Variants in TBKBP1 observed in about 807,000 individuals in gnomAD.
TBKBP1 encodes TANK-binding kinase 1-binding protein 1.
In TBKBP1, 47 loss-of-function variants were observed where a neutral mutation model predicts 69.9. The observed-to-expected ratio is 0.67, with a 90% CI of 0.53 to 0.86. TBKBP1 has a LOEUF of 0.86. TBKBP1 is among the 40% of genes least tolerant of loss of function. The pLI is 0.00. For synonymous variants in TBKBP1, 418 were observed against 390.3 expected, an observed-to-expected ratio of 1.07 and a Z score of -0.84; for missense variants, 831 against 858.6, an observed-to-expected ratio of 0.97 and a Z score of 0.40.
chr17:47,698,961 C>G (rs569770925), intron 5 of TBKBP1, among the ~76,000 whole-genome samples, 186 bp downstream of exon 5: 1 of 152,220 alleles, frequency 6.6e-6, no homozygotes, highest in Non-Finnish European at 1.5e-5. Flanking sequence ...CCTTCTAACT[C>G]GGTCATTCCT....
At chr17:47,702,988 G>A (rs931113658) in intron 7 of TBKBP1, among the ~76,000 whole-genome samples, 4 of 133,318 alleles carry the variant, frequency 3.0e-5, no homozygotes, top group Non-Finnish European at 4.8e-5. Context: ...GGAAATGCGG[G>A]GGGGGGAACT....
intron 3 of TBKBP1, 88 bp downstream of exon 3, chr17:47,696,921 C>T (rs1244955873): frequency 6.4e-7 from 1 of 1,562,368 alleles, no homozygotes; most frequent in Non-Finnish European, 8.7e-7. Context: ...CAGCATCTGG[C>T]CTCTGCCCTT....
chr17:47,696,403 G>A lies in TBKBP1; in HGVS notation c.225+66G>A, dbSNP rs2031245434. On this transcript the variant is annotated intron_variant, in intron 2 of 9. Transcript: ENST00000578982. ...GATGGGGAGGGGGACTGGGAATCTG[G>A]TAGATACCAGGGATCCAAAAGAGGG... 1.7e-5 allele frequency: 26 copies of A among 1,532,302 alleles called. No individual in the cohort carries two copies. The South Asian group carries it at 2.5e-4, about 15-fold the overall frequency. 94.9% of individuals were successfully genotyped at this position (1,532,302 alleles called of 1,614,324 possible).
At chr17:47,704,929 A>G (rs2031645302) in intron 7 of TBKBP1, among the ~76,000 whole-genome samples, 1 of 152,168 alleles carries the variant, frequency 6.6e-6, no homozygotes, top group Non-Finnish European at 1.5e-5. Flanking sequence ...GGCTCCTCCG[A>G]AGTTGCCAGC....
rs913425596 is a variant in TBKBP1, at chr17:47,710,603, C to T, written c.1825C>T (p.His609Tyr). The T allele has an allele frequency of 6.2e-7, 1 of 1,608,468 alleles. No individual in the cohort carries two copies. Among genetic ancestry groups the T allele is most frequent in the Non-Finnish European group, 8.5e-7 (1 of 1,175,630 alleles). The change falls in exon 10 of 10, where the codon CAC (histidine) becomes TAC (tyrosine). Residue 609 changes from histidine (H) to tyrosine (Y), a missense_variant. His to Tyr is a moderately conservative substitution (Grantham distance 83). Coordinates refer to ENST00000578982, the MANE Select transcript of TBKBP1 (RefSeq NM_001394755.1). The part of the protein sequence containing the change: ...DDALIKHIDS[H>Y]LENSKI Reference sequence around the variant, plus strand: ...TGCCCTCATCAAACACATTGACTCCCACCTGGAGAACAGCAAGATCTAGGG... The same window carrying T: ...TGCCCTCATCAAACACATTGACTCCTACCTGGAGAACAGCAAGATCTAGGG...
intron 7 of TBKBP1, among the ~76,000 whole-genome samples, chr17:47,705,696 AGT>A: frequency 6.6e-6 from 1 of 152,300 alleles, no homozygotes; most frequent in East Asian, 1.9e-4. Context: ...CTGAATTGGC[AGT>A]GTTTTCAGTG....
Position 47,710,975 on chromosome 17 carries a change from TG to T in TBKBP1, c.*355del. 5.3e-6 allele frequency: 1 copy of T among 188,566 alleles called. No individual in the cohort carries two copies. The allele number at this position is 188,566 out of a possible 1,614,324, so 11.7% of individuals were successfully genotyped here. On this transcript the variant is annotated 3_prime_UTR_variant, in exon 10 of 10. Transcript: ENST00000578982. ...AGGTGTCCAGTGCTTGGGCCTGGGGTGGGGGGAAGGTGTTAGAGGACTCCAG... is the reference window on the plus strand; with the variant it reads ...AGGTGTCCAGTGCTTGGGCCTGGGGTGGGGGAAGGTGTTAGAGGACTCCAG...
chr17:47,699,396 G>C lies in TBKBP1; in HGVS notation c.711G>C (p.Gln237His). 6.4e-7 allele frequency: 1 copy of C among 1,568,350 alleles called. No homozygotes were observed. Among genetic ancestry groups the C allele is most frequent in the Non-Finnish European group, 8.6e-7 (1 of 1,161,700 alleles). ...TAGAAGAGGCTTTGGAGGCCGCGCA[G>C]GGAGAGGCCCGGGGGGCTCAGCTCC... ...RRLEEALEAA[Q>H]GEARGAQLRE... Residue 237 changes from glutamine to histidine, a missense_variant, in exon 6 of 10, where the codon CAG (glutamine) becomes CAC (histidine). Transcript: ENST00000578982.
At chr17:47,698,500 G>A (rs1029678955) in intron 4 of TBKBP1, 95 bp from the exon 5 acceptor site, 10 of 1,311,934 alleles carry the variant, frequency 7.6e-6, no homozygotes, top group Non-Finnish European at 8.2e-6. Flanking sequence ...TGGGATGTGT[G>A]ACCTGGGGCC....
intron 7 of TBKBP1, among the ~76,000 whole-genome samples, chr17:47,701,525 T>C (rs1232577804): frequency 6.6e-6 from 1 of 152,070 alleles, no homozygotes; most frequent in Non-Finnish European, 1.5e-5. Context: ...GGGAGGACAT[T>C]TTGGTGGGGC....
intron 1 of TBKBP1, among the ~76,000 whole-genome samples, chr17:47,695,001 C>T (rs977262025): frequency 6.6e-6 from 1 of 151,838 alleles, no homozygotes; most frequent in Non-Finnish European, 1.5e-5. Context: ...GCCGAGCCCC[C>T]TCTCCGGGGT....
At chr17:47,702,759 G>T (rs2031554553) in intron 7 of TBKBP1, among the ~76,000 whole-genome samples, 5 of 152,124 alleles carry the variant, frequency 3.3e-5, no homozygotes, top group Admixed American at 3.3e-4. Flanking sequence ...GCCACTGGGG[G>T]TCACGCAGAG....
At chr17:47,696,687 C>T (rs774372008) in intron 2 of TBKBP1, 24 bp from the exon 3 acceptor site, 1 of 1,613,724 alleles carries the variant, frequency 6.2e-7, no homozygotes, top group Non-Finnish European at 8.5e-7. Context: ...AATCCACTCT[C>T]CTGAAGCTCC....
Position 47,696,375 on chromosome 17 carries a change from T to G in TBKBP1, c.225+38T>G, listed in dbSNP as rs750114493. The G allele has an allele frequency of 2.5e-6, 4 of 1,594,982 alleles. No homozygotes were observed. In the Admixed American group the frequency reaches 5.1e-5, roughly 20 times the overall value. On this transcript the variant is annotated intron_variant, in intron 2 of 9. Transcript: ENST00000578982. ...AGAGGAGGGCGCCTGATAGAGTGTA[T>G]GGGATGGGGAGGGGGACTGGGAATC...
Position 47,708,957 on chromosome 17 carries a change from C to A in TBKBP1, c.1224C>A (p.Ser408=). 1 of 1,199,686 alleles carries A rather than the reference C, an allele frequency of 8.3e-7. No individual in the cohort carries two copies. Among genetic ancestry groups the A allele is most frequent in the Non-Finnish European group, 1.0e-6 (1 of 961,994 alleles). 74.3% of individuals were successfully genotyped at this position (1,199,686 alleles called of 1,614,324 possible). A position where few individuals can be genotyped will look rare whatever the true frequency, so the allele number is the denominator to read the frequency against. ...CGCCGGTGCCGCCGTCGTGCCAGTC[C>A]CCCAGCCCGCAGCGCCGTTCCCCGG... ...RRSPVPPSCQ[S]PSPQRRSPVP... Residue 408 remains serine, a synonymous_variant, in exon 9 of 10, where the codon TCC becomes TCA. Transcript: ENST00000578982. This position sits in a 1 kb window ranked among gnomAD's most constrained non-coding sequence, Gnocchi z 4.4.
At chr17:47,703,359 C>A (rs2031585621) in intron 7 of TBKBP1, among the ~76,000 whole-genome samples, 1 of 152,206 alleles carries the variant, frequency 6.6e-6, no homozygotes, top group South Asian at 2.1e-4. Context: ...CCCCGCATAC[C>A]CTGAGCGTAG....
Position 47,711,244 on chromosome 17 carries a change from T to C in TBKBP1, c.*618T>C, listed in dbSNP as rs1465423232. 6.5e-6 allele frequency: 1 copy of C among 152,826 alleles called. No individual in the cohort carries two copies. 9.5% of individuals were successfully genotyped at this position (152,826 alleles called of 1,614,324 possible). A position where few individuals can be genotyped will look rare whatever the true frequency, so the allele number is the denominator to read the frequency against. On this transcript the variant is annotated 3_prime_UTR_variant, in exon 10 of 10. Transcript: ENST00000578982. ...TCCCTGTTCTGCCCACTCTGGGGAA[T>C]AGGGAGGGGAGGAGAGGAGAGGAGA...
chr17:47,704,915 C>T (rs753036662), intron 7 of TBKBP1, among the ~76,000 whole-genome samples: 1 of 152,236 alleles, frequency 6.6e-6, no homozygotes, highest in Non-Finnish European at 1.5e-5. Context: ...GCCATTTGCT[C>T]TCTGGCTCCT....
rs772363540 is a variant in TBKBP1, at chr17:47,710,628, G to A, written c.*2G>A. 8 of 1,595,830 alleles carry A rather than the reference G, an allele frequency of 5.0e-6. No individual in the cohort carries two copies. Among genetic ancestry groups the A allele is most frequent in the Non-Finnish European group, 6.9e-6 (8 of 1,165,374 alleles). On this transcript the variant is annotated 3_prime_UTR_variant, in exon 10 of 10. Transcript: ENST00000578982. ...CACCTGGAGAACAGCAAGATCTAGG[G>A]CACCAGCCCCACCCACTGGCTGTTT...
Sources: gnomAD v4.1 joint callset for allele counts (sites outside exome capture counted in the v4.1 genomes callset) on GRCh38, gnomAD v4.1.1 for gene constraint, Gnocchi (gnomAD v3.1) non-coding constraint, MANE v1.5 for transcripts, NCBI Gene and HGNC (gene_info 2026-07-23, HGNC 2026-07-21) for gene names.